The following SHROOM3 variants were observed in gnomAD, a reference collection of about 807,000 sequenced individuals.
The protein encoded by SHROOM3 is shroom family member 3.
Under a neutral mutation model 138.6 loss-of-function variants are expected in SHROOM3, and 47 were observed. That is an observed-to-expected ratio of 0.34 (90% CI 0.27 to 0.43). The LOEUF is 0.43. Among genes scored for constraint, SHROOM3 ranks in the 20% least tolerant of loss-of-function variants. SHROOM3 has a pLI of 1.00. For synonymous variants in SHROOM3, 1,062 were observed against 1,063.3 expected (o/e 1.00, Z 0.02); for missense variants, 2,491 against 2,596.5 (o/e 0.96, Z 0.88).
rs553798063 is a variant in SHROOM3, at chr4:76,684,303, A to G, written c.324-25853A>G. Reference sequence around the variant, plus strand: ...TTAACCAGTGACCCCCATAGCCTTGACAGGGTCCTTTGTGTTCCGTGTCTC... The same window carrying G: ...TTAACCAGTGACCCCCATAGCCTTGGCAGGGTCCTTTGTGTTCCGTGTCTC... On this transcript the variant is annotated intron_variant, in intron 2 of 10. Coordinates refer to ENST00000296043, the MANE Select transcript of SHROOM3 (RefSeq NM_020859.4). Among the ~76,000 whole-genome samples the G allele has an allele frequency of 9.9e-5, 15 of 152,284 alleles. No individual in the cohort carries two copies. In the East Asian group the frequency reaches 2.7e-3, roughly 27 times the overall value.
At chr4:76,606,675 C>G (rs1734629042) in intron 2 of SHROOM3, among the ~76,000 whole-genome samples, 1 of 152,082 alleles carries the variant, frequency 6.6e-6, no homozygotes, top group Admixed American at 6.5e-5. Flanking sequence ...TCCACTCCAG[C>G]CTGGGCAACA....
At position 76,632,635 on chromosome 4, in the gene SHROOM3, A is replaced by G. The variant is rs114519877; in HGVS notation, c.323+76872A>G. 2.5e-3 allele frequency among the ~76,000 whole-genome samples: 384 copies of G among 152,304 alleles called. 2 individuals are homozygous for G. Among genetic ancestry groups the G allele is most frequent in the African/African-American group, 8.9e-3 (371 of 41,558 alleles). ...AATGACAAAATGAAGACAAGTACAG[A>G]CAATTTATGTTTGGAGTTTCTATCA... On this transcript the variant is annotated intron_variant, in intron 2 of 10. Coordinates refer to ENST00000296043, the MANE Select transcript of SHROOM3 (RefSeq NM_020859.4).
At chr4:76,753,822 T>C (rs190130033) in intron 6 of SHROOM3, among the ~76,000 whole-genome samples, 15 of 152,276 alleles carry the variant, frequency 9.9e-5, no homozygotes, top group Admixed American at 9.8e-4. Flanking sequence ...AAGTTGTAAA[T>C]AAAACCTTCA....
At chr4:76,608,064 G>T (rs980822596) in intron 2 of SHROOM3, among the ~76,000 whole-genome samples, 3 of 152,158 alleles carry the variant, frequency 2.0e-5, no homozygotes, top group Non-Finnish European at 2.9e-5. Flanking sequence ...GCATCTGTGA[G>T]GCTGACTACA....
intron 8 of SHROOM3, among the ~76,000 whole-genome samples, chr4:76,757,855 A>C (rs1415551273): frequency 4.6e-5 from 7 of 152,216 alleles, no homozygotes; most frequent in Admixed American, 4.6e-4. Flanking sequence ...TTAAATTTTC[A>C]GTGAAATCTT....
chr4:76,734,059 G>A (rs943392988), intron 4 of SHROOM3, among the ~76,000 whole-genome samples: 8 of 152,114 alleles, frequency 5.3e-5, no homozygotes, highest in Non-Finnish European at 8.8e-5. Context: ...GGCTGAAATA[G>A]CAGTATCAAA....
chr4:76,719,325 A>G (rs1007464010), intron 3 of SHROOM3, among the ~76,000 whole-genome samples: 2 of 152,230 alleles, frequency 1.3e-5, no homozygotes, highest in Admixed American at 6.5e-5. Context: ...TTCTAAAATC[A>G]TATCTGATAT....
chr4:76,551,943 G>C (rs946261494), intron 1 of SHROOM3, among the ~76,000 whole-genome samples: 2 of 150,380 alleles, frequency 1.3e-5, no homozygotes, highest in Non-Finnish European at 3.0e-5. Context: ...CTCACTGCAA[G>C]CTCTGCCTCC....
intron 2 of SHROOM3, among the ~76,000 whole-genome samples, chr4:76,598,378 T>C (rs1734434827): frequency 6.6e-6 from 1 of 152,158 alleles, no homozygotes; most frequent in South Asian, 2.1e-4. Flanking sequence ...TCTGGCAGCA[T>C]AGAAAAGATG....
chr4:76,590,457 C>T (rs561826531), intron 2 of SHROOM3, among the ~76,000 whole-genome samples: 2 of 151,626 alleles, frequency 1.3e-5, no homozygotes, highest in East Asian at 1.9e-4. Context: ...GTTCTTGTGG[C>T]CATCTGTTGT....
At position 76,593,921 on chromosome 4, in the gene SHROOM3, G is replaced by A. The variant is rs1295755469; in HGVS notation, c.323+38158G>A. The stretch of plus-strand genomic sequence containing the variant: ...TTGCAGTTTCCAATATTGTCACATC[G>A]CTACTGCTGGCTGCCAGGTTGCTCG... On this transcript the variant is annotated intron_variant, in intron 2 of 10. Coordinates refer to ENST00000296043, the MANE Select transcript of SHROOM3 (RefSeq NM_020859.4). Among the ~76,000 whole-genome samples, 7 of 152,220 alleles carry A rather than the reference G, an allele frequency of 4.6e-5. No homozygotes were observed. The South Asian group carries it at 6.2e-4, about 14-fold the overall frequency.
chr4:76,671,652 G>A (rs1560586564), intron 2 of SHROOM3, among the ~76,000 whole-genome samples: 1 of 152,098 alleles, frequency 6.6e-6, no homozygotes, highest in Non-Finnish European at 1.5e-5. Context: ...CAGTCTGCCA[G>A]ACAGATTTCA....
intron 2 of SHROOM3, among the ~76,000 whole-genome samples, chr4:76,704,940 C>G (rs1455601866): frequency 6.6e-6 from 1 of 152,168 alleles, no homozygotes; most frequent in Non-Finnish European, 1.5e-5. Flanking sequence ...ATTCCTCCAT[C>G]TCACCCTCCC....
At chr4:76,478,140 C>T (rs554153210) in intron 1 of SHROOM3, among the ~76,000 whole-genome samples, 1 of 152,134 alleles carries the variant, frequency 6.6e-6, no homozygotes, top group African/African-American at 2.4e-5. Flanking sequence ...TGTTCACTCC[C>T]CTGGAAAGGG....
intron 5 of SHROOM3, among the ~76,000 whole-genome samples, chr4:76,746,707 A>C (rs1217810392): frequency 4.0e-5 from 6 of 151,882 alleles, no homozygotes; most frequent in African/African-American, 1.4e-4. Context: ...ACATTTCATC[A>C]GTGACAGAGA....
At chr4:76,517,802 T>C (rs573728695) in intron 1 of SHROOM3, among the ~76,000 whole-genome samples, 2 of 152,218 alleles carry the variant, frequency 1.3e-5, no homozygotes, top group Admixed American at 6.5e-5. Context: ...CCAGAATTTG[T>C]TACCATGTGA....
chr4:76,709,777 G>A (rs534431808), intron 2 of SHROOM3: 8 of 283,526 alleles, frequency 2.8e-5, no homozygotes, highest in Admixed American at 2.5e-4. Flanking sequence ...AAACCACCTC[G>A]TTTGACAGTT....
At chr4:76,655,510 T>A (rs1373346836) in intron 2 of SHROOM3, among the ~76,000 whole-genome samples, 1 of 152,200 alleles carries the variant, frequency 6.6e-6, no homozygotes, top group African/African-American at 2.4e-5. Flanking sequence ...AAAATGTCAC[T>A]GGGCTAAAAG....
intron 2 of SHROOM3, among the ~76,000 whole-genome samples, chr4:76,633,439 G>A (rs1297730266): frequency 1.3e-5 from 2 of 151,640 alleles, no homozygotes; most frequent in Non-Finnish European, 2.9e-5. Context: ...GGCGGATCAC[G>A]AGGTCGGGAG....
Sources: gnomAD v4.1 joint callset for allele counts (sites outside exome capture counted in the v4.1 genomes callset) on GRCh38, gnomAD v4.1.1 for gene constraint, MANE v1.5 for transcripts, NCBI Gene and HGNC (gene_info 2026-07-23, HGNC 2026-07-21) for gene names.